The following PCDH9 variants were observed in gnomAD, a reference collection of about 807,000 sequenced individuals.
The protein encoded by PCDH9 is protocadherin 9.
Under a neutral mutation model 70.6 loss-of-function variants are expected in PCDH9, and 24 were observed. The observed-to-expected ratio is 0.34, with a 90% CI of 0.25 to 0.48. PCDH9 has a LOEUF of 0.48. Ranked by LOEUF, PCDH9 falls within the 20% of genes least tolerant of loss-of-function variation. The pLI, the probability that PCDH9 is intolerant of heterozygous loss-of-function variation, is 0.99. For missense variants in PCDH9, 1,281 were observed against 1,503.6 expected (o/e 0.85, Z 2.45); for synonymous variants, 562 against 558.5 (o/e 1.01, Z -0.09).
At chr13:67,034,440 A>G (rs2084969665) in intron 2 of PCDH9, among the ~76,000 whole-genome samples, 2 of 152,210 alleles carry the variant, frequency 1.3e-5, no homozygotes, top group East Asian at 3.8e-4. Context: ...CGCCATTCAT[A>G]CTAAAGACCT....
intron 4 of PCDH9, among the ~76,000 whole-genome samples, chr13:66,459,805 C>G (rs917800631): frequency 6.6e-6 from 1 of 151,910 alleles, no homozygotes; most frequent in African/African-American, 2.4e-5. Flanking sequence ...AGATTCAATA[C>G]AGTTAGCTCT....
rs548775806 is a variant in PCDH9 at position 66,440,436 on chromosome 13, A to G, written c.3341-135408T>C. On this transcript the variant is annotated intron_variant, in intron 4 of 4. Coordinates refer to ENST00000377865, the MANE Select transcript of PCDH9 (RefSeq NM_203487.3). ...TGTCTTTTAGATTTTTTGGCTGGAC[A>G]TTTCAAGTGTGTAAAAAATCTGTAA... Among the ~76,000 whole-genome samples, 174 of 152,232 alleles carry G rather than the reference A, an allele frequency of 1.1e-3. 1 individual carries two copies. The highest frequency in any genetic ancestry group is 5.0e-4 in the Non-Finnish European group (34 of 67,976).
chr13:66,757,647 A>G (rs1030280984), intron 3 of PCDH9, among the ~76,000 whole-genome samples: 2 of 152,122 alleles, frequency 1.3e-5, no homozygotes, highest in Non-Finnish European at 2.9e-5. Flanking sequence ...CATATATAAA[A>G]CGTATGAGGA....
At chr13:66,420,515 C>G (rs1181996766) in intron 4 of PCDH9, among the ~76,000 whole-genome samples, 1 of 152,180 alleles carries the variant, frequency 6.6e-6, no homozygotes, top group South Asian at 2.1e-4. Flanking sequence ...TGTTCTGCAG[C>G]CTCTGCTGGT....
At chr13:67,031,088 T>C (rs2084896754) in intron 2 of PCDH9, among the ~76,000 whole-genome samples, 1 of 152,174 alleles carries the variant, frequency 6.6e-6, no homozygotes, top group Admixed American at 6.5e-5. Context: ...ATTGAACCAT[T>C]TGCAGAAGCT....
rs573515766 is a variant in PCDH9, at chr13:66,547,964, T to C, written c.3340+83246A>G. 4.8e-4 allele frequency among the ~76,000 whole-genome samples: 71 copies of C among 148,534 alleles called. 2 individuals are homozygous for C. In the South Asian group the frequency reaches 0.014, roughly 30 times the overall value. On this transcript the variant is annotated intron_variant, in intron 4 of 4. Transcript: ENST00000377865. Reference sequence around the variant, plus strand: ...TATATTTAATTATAAAATAGTAAACTTAAAACAGTGAGATGTATAGAAGCT... The same window carrying C: ...TATATTTAATTATAAAATAGTAAACCTAAAACAGTGAGATGTATAGAAGCT...
intron 2 of PCDH9, among the ~76,000 whole-genome samples, chr13:66,976,504 G>C (rs1180262283): frequency 6.6e-6 from 1 of 151,964 alleles, no homozygotes; most frequent in Non-Finnish European, 1.5e-5. Flanking sequence ...AGTTTCAAAT[G>C]ACTTTTCATA....
chr13:66,812,600 G>T (rs1165610836), intron 3 of PCDH9, among the ~76,000 whole-genome samples: 1 of 152,142 alleles, frequency 6.6e-6, no homozygotes, highest in African/African-American at 2.4e-5. Context: ...GGATTAAAAA[G>T]TATGTGCAAG....
chr13:67,083,148 A>C (rs2138188758), intron 2 of PCDH9, among the ~76,000 whole-genome samples: 1 of 152,224 alleles, frequency 6.6e-6, no homozygotes, highest in South Asian at 2.1e-4. Context: ...ATCTCTGTGA[A>C]TTGATGATAT....
chr13:66,581,796 A>G (rs996448875), intron 4 of PCDH9, among the ~76,000 whole-genome samples: 2 of 152,078 alleles, frequency 1.3e-5, no homozygotes, highest in Admixed American at 6.6e-5. Flanking sequence ...TTGTGGTTCA[A>G]TTGCCTACCA....
chr13:66,706,410 T>C (rs1383259176), intron 3 of PCDH9, among the ~76,000 whole-genome samples: 1 of 152,214 alleles, frequency 6.6e-6, no homozygotes, highest in Non-Finnish European at 1.5e-5. Context: ...CACTTTTTCT[T>C]CAACACAGCA....
At chr13:66,308,296 CA>C (rs935031206) in intron 4 of PCDH9, among the ~76,000 whole-genome samples, 2 of 151,968 alleles carry the variant, frequency 1.3e-5, no homozygotes, top group Admixed American at 1.3e-4. Context: ...CTTTAACTTG[CA>C]AAACATGAGT....
intron 2 of PCDH9, among the ~76,000 whole-genome samples, chr13:67,150,412 T>C (rs2087629120): frequency 6.6e-6 from 1 of 152,116 alleles, no homozygotes. Context: ...TCAGTATTAA[T>C]AGAGAGTATT....
chr13:66,923,018 A>C (rs546560492), intron 2 of PCDH9, among the ~76,000 whole-genome samples: 16 of 151,450 alleles, frequency 1.1e-4, no homozygotes, highest in African/African-American at 2.2e-4. Flanking sequence ...AAGGGATGAG[A>C]ATATTTATAC....
chr13:66,380,629 C>T (rs189531069), intron 4 of PCDH9, among the ~76,000 whole-genome samples: 2,436 of 150,310 alleles, frequency 0.016, 59 homozygotes, highest in African/African-American at 0.056. Flanking sequence ...CTGCAAGCTC[C>T]GCCTCCCGGG....
intron 4 of PCDH9, among the ~76,000 whole-genome samples, chr13:66,423,315 C>G (rs896193816): frequency 2.0e-5 from 3 of 150,990 alleles, no homozygotes; most frequent in African/African-American, 7.3e-5. Flanking sequence ...CTCCCTAACT[C>G]ATTTTATGAG....
chr13:66,765,807 G>A (rs1246794918), intron 3 of PCDH9, among the ~76,000 whole-genome samples: 1 of 152,042 alleles, frequency 6.6e-6, no homozygotes, highest in Admixed American at 6.6e-5. Flanking sequence ...AAGAGGTGGA[G>A]CTGGAGTTGT....
intron 2 of PCDH9, among the ~76,000 whole-genome samples, chr13:67,117,182 A>G (rs117837570): frequency 0.078 from 11,948 of 152,240 alleles, 647 homozygotes; most frequent in South Asian, 0.15. Context: ...TTGAGGAGCT[A>G]TTCTGTAGAT....
At chr13:66,311,319 A>AT (rs1321233513) in intron 4 of PCDH9, among the ~76,000 whole-genome samples, 1 of 150,010 alleles carries the variant, frequency 6.7e-6, no homozygotes, top group Admixed American at 6.7e-5. Context: ...TTACTAGCTC[A>AT]TTTTATCCCT....
Sources: gnomAD v4.1 joint callset for allele counts (sites outside exome capture counted in the v4.1 genomes callset) on GRCh38, gnomAD v4.1.1 for gene constraint, MANE v1.5 for transcripts, NCBI Gene and HGNC (gene_info 2026-07-23, HGNC 2026-07-21) for gene names.